The following CFAP184 variants were observed in gnomAD, a reference collection of about 807,000 sequenced individuals.
CFAP184 encodes cilia- and flagella-associated protein 184.
the CFAP184 span, chr4:7,042,403 C>CCGTCTCTCTGCGT: frequency 3.1e-6 from 5 of 1,612,168 alleles, no homozygotes; most frequent in African/African-American, 1.3e-5. Context: ...GCTCTCCGCG[C>CCGTCTCTCTGCGT]CGTCTCTCTG....
chr4:7,042,463 T>C, the CFAP184 span: 25 of 1,610,830 alleles, frequency 1.6e-5, no homozygotes, highest in African/African-American at 3.3e-4. Flanking sequence ...TGTCTCGGCC[T>C]CCGGGGCTGC....
At chr4:7,041,110 G>T in the CFAP184 span, 1 of 1,101,912 alleles carries the variant, frequency 9.1e-7, no homozygotes, top group Non-Finnish European at 1.2e-6. Context: ...ACCCAGGTTT[G>T]GGCTCAGCAC....
chr4:7,042,195 G>T, the CFAP184 span: 2 of 1,599,852 alleles, frequency 1.3e-6, no homozygotes, highest in South Asian at 2.2e-5. Context: ...TGTGCTGCAG[G>T]TATAGGTTGT....
chr4:7,041,199 A>G, the CFAP184 span: 1 of 1,504,980 alleles, frequency 6.6e-7, no homozygotes, highest in Non-Finnish European at 8.9e-7. Context: ...TTTAATAGCA[A>G]CGAAGGTAAA....
chr4:7,042,404 C>G, the CFAP184 span: 1 of 1,612,184 alleles, frequency 6.2e-7, no homozygotes, highest in African/African-American at 1.3e-5. Flanking sequence ...CTCTCCGCGC[C>G]GTCTCTCTGC....
chr4:7,041,263 C>A, the CFAP184 span: 1 of 1,559,584 alleles, frequency 6.4e-7, no homozygotes, highest in Non-Finnish European at 8.7e-7. Flanking sequence ...CTCTTCTCAT[C>A]GATCTGGTCA....
At chr4:7,042,179 A>C in the CFAP184 span, 1 of 1,599,338 alleles carries the variant, frequency 6.3e-7, no homozygotes, top group South Asian at 1.1e-5. Flanking sequence ...AGCGCCTCGA[A>C]GATCTTGTGC....
At chr4:7,041,659 T>C in the CFAP184 span, 1 of 1,614,228 alleles carries the variant, frequency 6.2e-7, no homozygotes, top group Non-Finnish European at 8.5e-7. Flanking sequence ...TAAAAGTTCC[T>C]CATTTCGTTC....
At chr4:7,041,159 T>G in the CFAP184 span, 2 of 1,447,350 alleles carry the variant, frequency 1.4e-6, no homozygotes, top group South Asian at 3.1e-5. Context: ...AAATACAAAA[T>G]AGAGTCCCGT....
At chr4:7,042,497 T>G in the CFAP184 span, 2 of 1,609,674 alleles carry the variant, frequency 1.2e-6, no homozygotes, top group Non-Finnish European at 1.7e-6. Context: ...TCATCGATCC[T>G]GGTCAGCGGC....
the CFAP184 span, chr4:7,042,913 T>C: frequency 6.5e-7 from 1 of 1,542,670 alleles, no homozygotes; most frequent in East Asian, 2.4e-5. Context: ...GCCGGGGTCC[T>C]TAGTGTGCTC....
At chr4:7,042,855 G>A in the CFAP184 span, 2 of 1,573,778 alleles carry the variant, frequency 1.3e-6, no homozygotes, top group South Asian at 1.1e-5. Context: ...AGCTGGCCTT[G>A]ATCTTGGACG....
chr4:7,041,862 C>A, the CFAP184 span: 1 of 1,610,390 alleles, frequency 6.2e-7, no homozygotes, highest in Non-Finnish European at 8.5e-7. Context: ...CCTGGATCTG[C>A]TCCACCTCTC....
At chr4:7,042,615 G>A in the CFAP184 span, 1 of 1,508,670 alleles carries the variant, frequency 6.6e-7, no homozygotes, top group South Asian at 1.3e-5. Flanking sequence ...CCGGCTGGGC[G>A]GGCTCCTCAG....
At chr4:7,042,627 C>G in the CFAP184 span, 1 of 1,506,884 alleles carries the variant, frequency 6.6e-7, no homozygotes. Flanking sequence ...GCTCCTCAGC[C>G]CCAACCTCGG....
the CFAP184 span, chr4:7,041,236 A>G: frequency 6.5e-7 from 1 of 1,530,958 alleles, no homozygotes; most frequent in East Asian, 2.3e-5. Flanking sequence ...CGTCCTGAGG[A>G]TGAAGTGTTT....
the CFAP184 span, chr4:7,042,715 G>C: frequency 6.6e-7 from 1 of 1,515,520 alleles, no homozygotes; most frequent in Non-Finnish European, 8.8e-7. Context: ...AGCCTCGGCT[G>C]CCGTTAGCCC....
the CFAP184 span, chr4:7,042,133 G>C: frequency 1.9e-6 from 3 of 1,606,456 alleles, no homozygotes; most frequent in Non-Finnish European, 2.5e-6. Flanking sequence ...GCCCCGGTCA[G>C]CCACCTCAGC....
At chr4:7,042,488 C>G in the CFAP184 span, 1 of 1,610,348 alleles carries the variant, frequency 6.2e-7, no homozygotes, top group African/African-American at 1.3e-5. Flanking sequence ...GCCTCTTCCT[C>G]ATCGATCCTG....
Sources: gnomAD v4.1 joint callset for allele counts on GRCh38, gnomAD v4.1.1 for gene constraint, MANE v1.5 for transcripts, NCBI Gene and HGNC (gene_info 2026-07-23, HGNC 2026-07-21) for gene names.